OGFR: variants seen among roughly 807,000 people sequenced by gnomAD.
The protein encoded by OGFR is opioid growth factor receptor.
OGFR carries 18 observed loss-of-function variants against 33.6 expected under a neutral mutation model. The observed-to-expected ratio is 0.54, with a 90% CI of 0.37 to 0.80. The LOEUF (loss-of-function observed/expected upper bound fraction) is 0.80. OGFR is among the 30% of genes least tolerant of loss of function. OGFR has a pLI of 0.00. For synonymous variants in OGFR, 370 were observed against 400.7 expected, an observed-to-expected ratio of 0.92 and a Z score of 0.91; for missense variants, 877 against 955.8, an observed-to-expected ratio of 0.92 and a Z score of 1.09.
Position 62,812,570 on chromosome 20 carries a change from C to T in OGFR, c.955C>T (p.Pro319Ser). ...GGAGGAGGAAGGAAGCCCCGGGGACCCCGACCACGAGGCCAGCACCCAGGG... is the reference window on the plus strand; with the variant it reads ...GGAGGAGGAAGGAAGCCCCGGGGACTCCGACCACGAGGCCAGCACCCAGGG... ...KVEEEGSPGD[P>S]DHEASTQGRT... The change falls in exon 7 of 7, where the codon CCC becomes TCC. Residue 319 changes from proline (P) to serine (S), a missense_variant. Physicochemically the swap from Pro to Ser is moderately conservative, Grantham distance 74 (BLOSUM62 -1). Coordinates refer to ENST00000290291, the MANE Select transcript of OGFR (RefSeq NM_007346.4). 1 of 1,578,520 alleles carries T rather than the reference C, an allele frequency of 6.3e-7. No homozygotes were observed. Among genetic ancestry groups the T allele is most frequent in the Non-Finnish European group, 8.6e-7 (1 of 1,162,552 alleles).
At chr20:62,805,540 C>T (rs1248935765) in intron 1 of OGFR, 2 of 152,844 alleles carry the variant, frequency 1.3e-5, no homozygotes, top group Admixed American at 6.5e-5. Context: ...CTGTCATCGC[C>T]GGGGTTACTT....
chr20:62,805,128 A>C (rs1990555323), intron 1 of OGFR, 98 bp downstream of exon 1: 1 of 920,872 alleles, frequency 1.1e-6, no homozygotes, highest in African/African-American at 1.8e-5. Context: ...AGACACCTGG[A>C]GCCTCCTGGA....
rs559039115 is a variant in OGFR at position 62,809,698 on chromosome 20, C to T, written c.398+35C>T. 12 of 1,187,678 alleles carry T rather than the reference C, an allele frequency of 1.0e-5. 1 individual carries two copies. The highest frequency in any genetic ancestry group is 2.9e-5 in the East Asian group (1 of 34,454). 73.6% of individuals were successfully genotyped at this position (1,187,678 alleles called of 1,614,324 possible). On this transcript the variant is annotated intron_variant, in intron 4 of 6. Coordinates refer to ENST00000290291, the MANE Select transcript of OGFR (RefSeq NM_007346.4). ...GGAGGATGGGGGGATGGGGGGTTGG[C>T]GAGGCCACAGGGGGAGGGCCCTCCC...
Position 62,804,909 on chromosome 20 carries a change from C to A in OGFR, c.50C>A (p.Ala17Glu). 4 of 1,492,910 alleles carry A rather than the reference C, an allele frequency of 2.7e-6. No individual in the cohort carries two copies. Among genetic ancestry groups the A allele is most frequent in the Non-Finnish European group, 3.6e-6 (4 of 1,121,206 alleles). 92.5% of individuals were successfully genotyped at this position (1,492,910 alleles called of 1,614,324 possible). ...DSTWEEDEED[A>E]EDAEDEDCED... is the part of the protein sequence containing the mutation. ...ACCTGGGAGGAGGACGAGGAGGATG[C>A]GGAGGACGCGGAGGACGAGGACTGC... Residue 17 changes from alanine to glutamate, a missense_variant, in exon 1 of 7, where the codon GCG becomes GAG. Ala to Glu is a moderately radical substitution (Grantham distance 107). This residue lies in a region of OGFR where 760 missense variants were observed against 736.0 expected (regional missense o/e 1.03). Transcript: ENST00000290291.
Position 62,813,780 on chromosome 20 carries a change from C to T in OGFR, c.*131C>T. On this transcript the variant is annotated 3_prime_UTR_variant, in exon 7 of 7. Transcript: ENST00000290291. The stretch of plus-strand genomic sequence containing the variant: ...ACCCATGACCCACAGTGCTGGCCTC[C>T]TGTGGGGCCACTATAGCAGCCACCA... 1 of 1,099,698 alleles carries T rather than the reference C, an allele frequency of 9.1e-7. No individual in the cohort carries two copies. The highest frequency in any genetic ancestry group is 1.3e-6 in the Non-Finnish European group (1 of 750,640). The allele number at this position is 1,099,698 out of a possible 1,614,324, so 68.1% of individuals were successfully genotyped here. A position where few individuals can be genotyped will look rare whatever the true frequency, so the allele number is the denominator to read the frequency against.
chr20:62,810,607 G>A, intron 5 of OGFR, 42 bp downstream of exon 5: 1 of 1,597,138 alleles, frequency 6.3e-7, no homozygotes, highest in Non-Finnish European at 8.6e-7. Flanking sequence ...AAGATGGGGA[G>A]GCCTGGGCAA....
At chr20:62,805,322 C>A (rs943286996) in intron 1 of OGFR, 1 of 218,780 alleles carries the variant, frequency 4.6e-6, no homozygotes, top group Non-Finnish European at 9.0e-6. Flanking sequence ...CCGTGGCCGC[C>A]CCTGATGGAA....
At chr20:62,807,431 A>T in intron 1 of OGFR, 106 bp from the exon 2 acceptor site, 1 of 963,540 alleles carries the variant, frequency 1.0e-6, no homozygotes, top group Non-Finnish European at 1.6e-6. Context: ...CCCGCCCTTT[A>T]AAGACAGCTC....
In OGFR at chr20:62,812,322, T is replaced by TCCTGC; in HGVS notation, c.711_712insCCCTG (p.Glu238ProfsTer142). On this transcript the variant is annotated frameshift_variant, in exon 7 of 7. Transcript: ENST00000290291. LOFTEE classifies it low-confidence loss of function (END_TRUNC). ...TTCCAGGCGCCGCTGGTCCGCTTCT[T>TCCTGC]CCTGGAGGAGACGCTGGTGCGGCGG... The TCCTGC allele has an allele frequency of 6.4e-7, 1 of 1,563,488 alleles. No homozygotes were observed.
Position 62,811,730 on chromosome 20 carries a change from ACCAAGGC to A in OGFR, c.614+123_614+129del, listed in dbSNP as rs372973255. The A allele has an allele frequency of 7.8e-5, 91 of 1,163,356 alleles. No homozygotes were observed. In the African/African-American group the frequency reaches 1.3e-3, roughly 17 times the overall value. The allele number at this position is 1,163,356 out of a possible 1,614,324, so 72.1% of individuals were successfully genotyped here. A position where few individuals can be genotyped will look rare whatever the true frequency, so the allele number is the denominator to read the frequency against. On this transcript the variant is annotated intron_variant, in intron 6 of 6. Coordinates refer to ENST00000290291, the MANE Select transcript of OGFR (RefSeq NM_007346.4). ...AACTCCAGGGCTGTTTGGGCAATGG[ACCAAGGC>A]CCTGAGTCCCCTCCTTGCTGCCTGT...
At chr20:62,811,227 G>T (rs542545323) in intron 5 of OGFR, among the ~76,000 whole-genome samples, 27 of 152,142 alleles carry the variant, frequency 1.8e-4, no homozygotes, top group Non-Finnish European at 3.4e-4. Flanking sequence ...AGCCAGGTGT[G>T]GTGGCAGGCA....
At position 62,811,626 on chromosome 20, in the gene OGFR, T is replaced by TTCCCCCCCCCCCCCCCCCC; in HGVS notation, c.614+16_614+17insTCCCCCCCCCCCCCCCCCC. On this transcript the variant is annotated intron_variant, in intron 6 of 6. Coordinates refer to ENST00000290291, the MANE Select transcript of OGFR (RefSeq NM_007346.4). ...ACCTGAACTGGTGAGGCCCGGCTGC[T>TTCCCCCCCCCCCCCCCCCC]CCCGCCCACCCCCACCCCGGCGCAG... 1 of 1,502,546 alleles carries TTCCCCCCCCCCCCCCCCCC rather than the reference T, an allele frequency of 6.7e-7. No homozygotes were observed. The highest frequency in any genetic ancestry group is 2.5e-5 in the East Asian group (1 of 39,734). 93.1% of individuals were successfully genotyped at this position (1,502,546 alleles called of 1,614,324 possible). A position where few individuals can be genotyped will look rare whatever the true frequency, so the allele number is the denominator to read the frequency against.
Position 62,813,719 on chromosome 20 carries a change from T to C in OGFR, c.*70T>C. On this transcript the variant is annotated 3_prime_UTR_variant, in exon 7 of 7. Transcript: ENST00000290291. ...CAGGGGCTGGGGCCTCCGGAGCTGC[T>C]GCGGGCTCCCCTCAGGCTCTGCTTC... 6.4e-7 allele frequency: 1 copy of C among 1,557,294 alleles called. No homozygotes were observed. The highest frequency in any genetic ancestry group is 8.8e-7 in the Non-Finnish European group (1 of 1,132,678).
intron 6 of OGFR, 21 bp downstream of exon 6, chr20:62,811,631 C>A: frequency 6.6e-7 from 1 of 1,519,034 alleles, no homozygotes. Flanking sequence ...GCTGCTCCCG[C>A]CCACCCCCAC....
Position 62,812,784 on chromosome 20 carries a change from G to GC in OGFR, c.1171dup (p.Arg391ProfsTer73). On this transcript the variant is annotated frameshift_variant, in exon 7 of 7. Transcript: ENST00000290291. LOFTEE classifies it low-confidence loss of function (END_TRUNC). ...AGCAAGAAGAGGAAGCTGGAGCTGA[G>GC]CCGGCGGGAGCAGCCGCCCACAGAG... The GC allele has an allele frequency of 6.2e-7, 1 of 1,612,324 alleles. No homozygotes were observed. The highest frequency in any genetic ancestry group is 1.1e-5 in the South Asian group (1 of 91,068).
In OGFR at chr20:62,812,351, C is replaced by A; in HGVS notation, c.736C>A (p.Leu246Met). ...FLEETLVRRE[L>M]PGVRQSALDY... ...GGAGGAGACGCTGGTGCGGCGGGAG[C>A]TGCCGGGGGTGCGGCAGAGTGCCCT... is the stretch of plus-strand genomic sequence containing the variant. The change falls in exon 7 of 7, where the codon CTG (leucine) becomes ATG (methionine). Residue 246 changes from leucine to methionine, a missense_variant. Transcript: ENST00000290291. 1 of 1,559,166 alleles carries A rather than the reference C, an allele frequency of 6.4e-7. No individual in the cohort carries two copies.
chr20:62,808,331 T>C lies in OGFR; in HGVS notation c.319+6T>C. On this transcript the variant is annotated splice_donor_region_variant and intron_variant, in intron 3 of 6. Transcript: ENST00000290291. ...GATCCGCTTCCTGCCCAACGGTAGGTGCCTCACAACCACTGGCAGCCGGCG... is the reference window on the plus strand; with the variant it reads ...GATCCGCTTCCTGCCCAACGGTAGGCGCCTCACAACCACTGGCAGCCGGCG... The C allele has an allele frequency of 6.2e-7, 1 of 1,609,950 alleles. No homozygotes were observed. Among genetic ancestry groups the C allele is most frequent in the African/African-American group, 1.3e-5 (1 of 74,954 alleles).
intron 4 of OGFR, among the ~76,000 whole-genome samples, chr20:62,809,905 C>A (rs1990685497): frequency 6.6e-6 from 1 of 152,236 alleles, no homozygotes; most frequent in African/African-American, 2.4e-5. Context: ...AAGGGCTGCA[C>A]ACAAGCTCCC....
At position 62,813,841 on chromosome 20, in the gene OGFR, C is replaced by T. The variant is rs1990810261; in HGVS notation, c.*192C>T. 3 of 640,180 alleles carry T rather than the reference C, an allele frequency of 4.7e-6. No individual in the cohort carries two copies. Among genetic ancestry groups the T allele is most frequent in the Admixed American group, 2.9e-5 (1 of 34,418 alleles). The allele number at this position is 640,180 out of a possible 1,614,324, so 39.7% of individuals were successfully genotyped here. A position where few individuals can be genotyped will look rare whatever the true frequency, so the allele number is the denominator to read the frequency against. ...GGCCCTCAGGGAAGCCCAAGGCCTG[C>T]AGAAGCCTCCTGGCCTGGCTGTGTC... On this transcript the variant is annotated 3_prime_UTR_variant, in exon 7 of 7. Coordinates refer to ENST00000290291, the MANE Select transcript of OGFR (RefSeq NM_007346.4).
Sources: allele counts gnomAD v4.1 joint callset (sites outside exome capture counted in the v4.1 genomes callset), GRCh38; gene constraint gnomAD v4.1.1; regional missense constraint gnomAD v4.1.1; transcripts MANE v1.5; gene names NCBI Gene and HGNC (gene_info 2026-07-23, HGNC 2026-07-21).